Variants in SBF2 observed in about 807,000 individuals in gnomAD.
The protein encoded by SBF2 is myotubularin-related protein 13.
SBF2 carries 112 observed loss-of-function variants against 225.2 expected under a neutral mutation model. The ratio of observed to expected loss-of-function variants is 0.50; its 90% CI spans 0.43 to 0.58. The LOEUF (loss-of-function observed/expected upper bound fraction) is 0.58, where lower values mean the gene tolerates loss of function less well. Among genes scored for constraint, SBF2 ranks in the 20% least tolerant of loss-of-function variants. SBF2 has a pLI of 0.00. For missense variants in SBF2, 1,996 were observed against 2,206.2 expected (o/e 0.90, Z 1.91); for synonymous variants, 763 against 773.3 (o/e 0.99, Z 0.22).
chr11:10,244,456 T>C (rs2135469079), intron 1 of SBF2, among the ~76,000 whole-genome samples: 1 of 152,360 alleles, frequency 6.6e-6, no homozygotes, highest in Admixed American at 6.5e-5. Context: ...GGTACTCTAT[T>C]CTGCTCCAAC....
chr11:10,151,938 G>A (rs1955217574), intron 2 of SBF2, among the ~76,000 whole-genome samples: 1 of 152,094 alleles, frequency 6.6e-6, no homozygotes. Context: ...TACTTTTATA[G>A]CTATCAGCCA....
At chr11:10,130,761 G>A (rs552903268) in intron 2 of SBF2, among the ~76,000 whole-genome samples, 3 of 152,098 alleles carry the variant, frequency 2.0e-5, no homozygotes, top group African/African-American at 7.2e-5. Flanking sequence ...GTGTTGTTTG[G>A]AGAATGCTAT....
chr11:9,987,089 G>A (rs1947228263), intron 13 of SBF2, among the ~76,000 whole-genome samples: 1 of 152,040 alleles, frequency 6.6e-6, no homozygotes, highest in South Asian at 2.1e-4. Flanking sequence ...TGATCAAGTG[G>A]GTTTCATACC....
upstream of SBF2, among the ~76,000 whole-genome samples, chr11:10,294,980 C>T (rs1389845323): frequency 6.6e-6 from 1 of 152,252 alleles, no homozygotes; most frequent in Non-Finnish European, 1.5e-5. Context: ...TAGATGGTCC[C>T]GTCCTTCCGT....
At chr11:10,276,805 G>A (rs1962989317) in intron 1 of SBF2, among the ~76,000 whole-genome samples, 1 of 152,066 alleles carries the variant, frequency 6.6e-6, no homozygotes, top group Admixed American at 6.5e-5. Flanking sequence ...ATAGAGAAAT[G>A]TAGGCTGTGA....
chr11:10,162,895 C>T (rs1429037056), intron 2 of SBF2, among the ~76,000 whole-genome samples: 1 of 152,146 alleles, frequency 6.6e-6, no homozygotes, highest in African/African-American at 2.4e-5. Context: ...CTCAGACTGT[C>T]CCTTTCATCT....
chr11:10,279,411 C>CT (rs1225079981), intron 1 of SBF2, among the ~76,000 whole-genome samples: 2 of 116,634 alleles, frequency 1.7e-5, no homozygotes, highest in Non-Finnish European at 3.8e-5. Flanking sequence ...GAGACTCCAT[C>CT]TCAAAAAAAA....
chr11:10,034,641 G>A lies in SBF2; in HGVS notation c.280-3471C>T, dbSNP rs151100335. Among the ~76,000 whole-genome samples the A allele has an allele frequency of 6.2e-4, 95 of 152,086 alleles. 2 individuals carry two copies. In the East Asian group the frequency reaches 0.017, roughly 27 times the overall value. ...ACTGTATCACACTAAAAATCTTCCC[G>A]CAGCATTTCTTAAATAATCAGTTAT... On this transcript the variant is annotated intron_variant, in intron 3 of 39. Coordinates refer to ENST00000256190, the MANE Select transcript of SBF2 (RefSeq NM_030962.4).
chr11:9,813,577 C>A (rs1358597459), intron 29 of SBF2, among the ~76,000 whole-genome samples: 1 of 152,170 alleles, frequency 6.6e-6, no homozygotes, highest in South Asian at 2.1e-4. Flanking sequence ...CCGCCCACCT[C>A]GGCCTCCCAA....
chr11:10,230,595 T>A (rs1206526183), intron 1 of SBF2, among the ~76,000 whole-genome samples: 1 of 152,200 alleles, frequency 6.6e-6, no homozygotes, highest in Non-Finnish European at 1.5e-5. Flanking sequence ...GATATGAAAT[T>A]CTGGGTTGAA....
chr11:10,288,204 G>A (rs1411313569), intron 1 of SBF2, among the ~76,000 whole-genome samples: 1 of 152,218 alleles, frequency 6.6e-6, no homozygotes, highest in Non-Finnish European at 1.5e-5. Flanking sequence ...CAAGGGGCAT[G>A]TTTCAGCTCT....
rs201547070 is a variant in SBF2, at chr11:9,856,502, C to A, written c.2319G>T (p.Ala773=). ...TGCTTCCGCTCTCCCAGTCACCTGG[C>A]GCTGATGTTCTTAGGAGCTTGTTTT... is the stretch of plus-strand genomic sequence containing the variant. ...TSKNKLLRTS[A]PGDWESGSNS... is the part of the protein sequence containing the mutation. Residue 773 remains alanine, a synonymous_variant, in exon 19 of 40, where the codon GCG becomes GCT. Transcript: ENST00000256190. The A allele has an allele frequency of 1.9e-6, 3 of 1,614,164 alleles. No homozygotes were observed. The highest frequency in any genetic ancestry group is 1.7e-5 in the Admixed American group (1 of 60,024).
chr11:9,980,956 T>C (rs1477819902), intron 13 of SBF2, among the ~76,000 whole-genome samples: 1 of 152,224 alleles, frequency 6.6e-6, no homozygotes, highest in African/African-American at 2.4e-5. Flanking sequence ...CTTTACTTTG[T>C]TCTCTTTCAA....
At chr11:9,897,333 G>A (rs55811615) in intron 16 of SBF2, among the ~76,000 whole-genome samples, 27,906 of 151,886 alleles carry the variant, frequency 0.18, 2,928 homozygotes, top group Non-Finnish European at 0.23. Flanking sequence ...AGTCTCCCAG[G>A]TTAAAGCGAT....
chr11:9,830,393 T>C (rs979889901), intron 27 of SBF2, among the ~76,000 whole-genome samples: 8 of 152,224 alleles, frequency 5.3e-5, no homozygotes, highest in African/African-American at 1.9e-4. Context: ...ATTTAAACTA[T>C]GACACTATTC....
chr11:10,118,593 G>A (rs1240868660), intron 2 of SBF2, among the ~76,000 whole-genome samples: 4 of 151,952 alleles, frequency 2.6e-5, no homozygotes, highest in African/African-American at 7.3e-5. Context: ...ATATTTGGTT[G>A]TACCATATAT....
intron 1 of SBF2, among the ~76,000 whole-genome samples, chr11:10,218,535 T>C (rs1174506380): frequency 1.3e-5 from 2 of 152,112 alleles, no homozygotes; most frequent in Non-Finnish European, 2.9e-5. Flanking sequence ...ATTTCAGCAT[T>C]AACTCAAAAG....
intron 2 of SBF2, among the ~76,000 whole-genome samples, chr11:10,095,753 A>G (rs1951992634): frequency 1.3e-5 from 2 of 152,182 alleles, no homozygotes; most frequent in Non-Finnish European, 2.9e-5. Context: ...TACTGATTTT[A>G]ATCACACGTA....
At chr11:9,944,664 C>T (rs1391433783) in intron 16 of SBF2, among the ~76,000 whole-genome samples, 1 of 152,050 alleles carries the variant, frequency 6.6e-6, no homozygotes, top group African/African-American at 2.4e-5. Context: ...AGAGATGACA[C>T]AAATAAATGG....
Sources: allele counts gnomAD v4.1 joint callset (sites outside exome capture counted in the v4.1 genomes callset), GRCh38; gene constraint gnomAD v4.1.1; transcripts MANE v1.5; gene names NCBI Gene and HGNC (gene_info 2026-07-23, HGNC 2026-07-21).